Variants in MCF2L2 observed in about 807,000 individuals in gnomAD.
The protein encoded by MCF2L2 is probable guanine nucleotide exchange factor MCF2L2.
MCF2L2 carries 102 observed loss-of-function variants against 150.2 expected under a neutral mutation model. The observed-to-expected ratio is 0.68, with a 90% CI of 0.58 to 0.80. The LOEUF (loss-of-function observed/expected upper bound fraction) is 0.80. MCF2L2 is among the 30% of genes least tolerant of loss of function. The probability of loss-of-function intolerance (pLI) is 0.00; values close to 1 mark genes in which losing one functional copy is unlikely to be tolerated. For missense variants in MCF2L2, 1,256 were observed against 1,372.8 expected, an observed-to-expected ratio of 0.91 and a Z score of 1.34; for synonymous variants, 465 against 491.3, an observed-to-expected ratio of 0.95 and a Z score of 0.71.
At chr3:183,350,090 G>A (rs893188785) in intron 3 of MCF2L2, among the ~76,000 whole-genome samples, 1 of 152,094 alleles carries the variant, frequency 6.6e-6, no homozygotes, top group Non-Finnish European at 1.5e-5. Flanking sequence ...ACTCCTCTTC[G>A]CTCCACACAG....
chr3:183,194,356 A>G (rs763098294), intron 26 of MCF2L2, among the ~76,000 whole-genome samples: 12 of 152,204 alleles, frequency 7.9e-5, no homozygotes, highest in Non-Finnish European at 1.8e-4. Flanking sequence ...AGTCGCAGTA[A>G]TAGATGAGGC....
chr3:183,314,194 T>C (rs958768506), intron 7 of MCF2L2, among the ~76,000 whole-genome samples: 3 of 152,082 alleles, frequency 2.0e-5, no homozygotes, highest in Non-Finnish European at 4.4e-5. Flanking sequence ...GGAGAGAAAA[T>C]AGCACTTACT....
intron 13 of MCF2L2, among the ~76,000 whole-genome samples, chr3:183,290,536 TCTTTC>T (rs372538591): frequency 6.6e-6 from 1 of 151,358 alleles, no homozygotes; most frequent in African/African-American, 2.4e-5. Context: ...TTTCTTTCTT[TCTTTC>T]TTTTTTTTTT....
intron 14 of MCF2L2, chr3:183,287,709 C>T (rs1237952411): frequency 6.6e-6 from 1 of 152,194 alleles, no homozygotes; most frequent in Non-Finnish European, 1.5e-5. Flanking sequence ...GCGGTGGCTA[C>T]GTCCTAATCT....
intron 10 of MCF2L2, among the ~76,000 whole-genome samples, chr3:183,304,045 C>T (rs540339711): frequency 3.2e-4 from 49 of 152,286 alleles, no homozygotes; most frequent in African/African-American, 1.2e-3. Context: ...GCCTAGAAAG[C>T]CCATCCTTCC....
chr3:183,363,528 G>A (rs1295695267), intron 3 of MCF2L2, among the ~76,000 whole-genome samples: 4 of 152,088 alleles, frequency 2.6e-5, no homozygotes, highest in East Asian at 1.9e-4. Flanking sequence ...ACTTAAATAC[G>A]TATTACTAAG....
At chr3:183,278,175 C>A (rs1374636362) in intron 14 of MCF2L2, among the ~76,000 whole-genome samples, 1 of 150,400 alleles carries the variant, frequency 6.6e-6, no homozygotes, top group East Asian at 1.9e-4. Flanking sequence ...CACAGTGAGA[C>A]CCTGTCTCAA....
intron 22 of MCF2L2, among the ~76,000 whole-genome samples, chr3:183,210,638 G>A (rs1012526935): frequency 2.0e-5 from 3 of 152,204 alleles, no homozygotes; most frequent in Non-Finnish European, 4.4e-5. Context: ...AAGAGGCTAG[G>A]ATGATAGGGG....
At chr3:183,400,335 C>T (rs1388993899) in intron 1 of MCF2L2, 1 of 445,754 alleles carries the variant, frequency 2.2e-6, no homozygotes. Context: ...CACATGCATC[C>T]TTGCTTCCAC....
intron 1 of MCF2L2, among the ~76,000 whole-genome samples, chr3:183,415,993 T>C (rs1209632637): frequency 6.6e-6 from 1 of 152,148 alleles, no homozygotes; most frequent in Non-Finnish European, 1.5e-5. Flanking sequence ...AGTATAGCAT[T>C]TTAATTCCTT....
intron 23 of MCF2L2, 124 bp downstream of exon 23, chr3:183,207,484 G>C (rs555735601): frequency 2.8e-6 from 2 of 713,560 alleles, no homozygotes; most frequent in Non-Finnish European, 4.8e-6. Flanking sequence ...TAGCCCTGTG[G>C]TGTGGTATTT....
chr3:183,278,318 C>T (rs1310343890), intron 14 of MCF2L2, among the ~76,000 whole-genome samples: 2 of 148,542 alleles, frequency 1.3e-5, no homozygotes, highest in African/African-American at 2.5e-5. Flanking sequence ...TTATGATGTA[C>T]TTCTTGTGAG....
At chr3:183,422,079 G>A (rs545925626) in intron 1 of MCF2L2, among the ~76,000 whole-genome samples, 40 of 152,284 alleles carry the variant, frequency 2.6e-4, no homozygotes, top group African/African-American at 8.7e-4. Flanking sequence ...AATTGCTCCA[G>A]TCTTATTCAA....
At chr3:183,311,059 A>G (rs779656206) in intron 8 of MCF2L2, 30 bp from the exon 9 acceptor site, 1 of 1,417,606 alleles carries the variant, frequency 7.1e-7, no homozygotes, top group Non-Finnish European at 1.0e-6. Context: ...AAGTGATGTT[A>G]GGTTAGCATT....
At position 183,181,831 on chromosome 3, in the gene MCF2L2, G is replaced by A. The variant is rs1185909589; in HGVS notation, c.3017-1672C>T. 6.6e-6 allele frequency among the ~76,000 whole-genome samples: 1 copy of A among 152,174 alleles called. No individual in the cohort carries two copies. The highest frequency in any genetic ancestry group is 2.1e-4 in the South Asian group (1 of 4,832). ...GGGCCTGGCTCAGGAGCCTTCGTCA[G>A]CCATAGGCAGCCACAGCCTGGGGTG... is the stretch of plus-strand genomic sequence containing the variant. On this transcript the variant is annotated intron_variant, in intron 27 of 29. Coordinates refer to ENST00000328913, the MANE Select transcript of MCF2L2 (RefSeq NM_015078.4). This position sits in a 1 kb window ranked among gnomAD's most constrained non-coding sequence, Gnocchi z 4.3.
At chr3:183,376,580 C>G (rs191425496) in intron 3 of MCF2L2, 1 of 152,308 alleles carries the variant, frequency 6.6e-6, no homozygotes, top group East Asian at 1.9e-4. Context: ...CCGTCAGGGT[C>G]CCCCTTCTCA....
chr3:183,242,222 G>C (rs1302487463), intron 15 of MCF2L2, among the ~76,000 whole-genome samples: 1 of 152,210 alleles, frequency 6.6e-6, no homozygotes, highest in African/African-American at 2.4e-5. Flanking sequence ...TGATGTGATA[G>C]AAAAGAAAAA....
At chr3:183,281,371 T>C (rs1727468925) in intron 14 of MCF2L2, among the ~76,000 whole-genome samples, 1 of 151,290 alleles carries the variant, frequency 6.6e-6, no homozygotes, top group African/African-American at 2.4e-5. Context: ...CCTTTTTTTT[T>C]TTTTTTTTTT....
chr3:183,293,277 A>T (rs2108486266), intron 13 of MCF2L2, among the ~76,000 whole-genome samples: 1 of 152,346 alleles, frequency 6.6e-6, no homozygotes, highest in Non-Finnish European at 1.5e-5. Context: ...TTTCATAATT[A>T]TAAAAGAGCT....
Sources: allele counts gnomAD v4.1 joint callset (sites outside exome capture counted in the v4.1 genomes callset), GRCh38; gene constraint gnomAD v4.1.1; non-coding constraint Gnocchi (gnomAD v3.1); transcripts MANE v1.5; gene names NCBI Gene and HGNC (gene_info 2026-07-23, HGNC 2026-07-21).